The following UBE4B variants were observed in gnomAD, a reference collection of about 807,000 sequenced individuals.
The protein encoded by UBE4B is ubiquitination factor E4B, also known as ubiquitin conjugation factor E4 B.
UBE4B carries 27 observed loss-of-function variants against 148.1 expected under a neutral mutation model. The ratio of observed to expected loss-of-function variants is 0.18; its 90% CI spans 0.13 to 0.25. UBE4B has a LOEUF of 0.25. Among genes scored for constraint, UBE4B ranks in the 10% least tolerant of loss-of-function variants. UBE4B has a pLI of 1.00. For missense variants in UBE4B, 1,170 were observed against 1,662.4 expected (o/e 0.70, Z 5.15); for synonymous variants, 596 against 619.3 (o/e 0.96, Z 0.56).
chr1:10,137,896 A>T (rs1645716190), intron 17 of UBE4B, among the ~76,000 whole-genome samples: 1 of 133,418 alleles, frequency 7.5e-6, no homozygotes, highest in Non-Finnish European at 1.6e-5. Flanking sequence ...CTCTGTATCT[A>T]CCTTGCTTAA....
At chr1:10,042,331 C>T (rs1032088358) in intron 1 of UBE4B, among the ~76,000 whole-genome samples, 8 of 152,246 alleles carry the variant, frequency 5.3e-5, no homozygotes, top group Middle Eastern at 3.4e-3. Context: ...TATGGAGCTT[C>T]GTCCTAGTGG....
intron 1 of UBE4B, among the ~76,000 whole-genome samples, chr1:10,047,064 C>T (rs1438153502): frequency 6.6e-6 from 1 of 152,154 alleles, no homozygotes; most frequent in African/African-American, 2.4e-5. Flanking sequence ...TTATTGTGAT[C>T]TCTGAGGGTT....
At chr1:10,143,443 T>A (rs1184718842) in intron 17 of UBE4B, among the ~76,000 whole-genome samples, 1 of 152,128 alleles carries the variant, frequency 6.6e-6, no homozygotes, top group Non-Finnish European at 1.5e-5. Flanking sequence ...TCTCTGACCT[T>A]TGCTTCCATT....
At chr1:10,157,667 A>G (rs570451066) in intron 21 of UBE4B, among the ~76,000 whole-genome samples, 72 of 152,212 alleles carry the variant, frequency 4.7e-4, no homozygotes, top group South Asian at 1.0e-3. Flanking sequence ...AGTCCCAGCT[A>G]CTAGGGAGGC....
chr1:10,060,476 G>A (rs1417576637), intron 1 of UBE4B, among the ~76,000 whole-genome samples: 1 of 152,138 alleles, frequency 6.6e-6, no homozygotes, highest in Non-Finnish European at 1.5e-5. Flanking sequence ...ATCTGACATT[G>A]ACTGAAATGT....
intron 1 of UBE4B, among the ~76,000 whole-genome samples, chr1:10,046,715 A>G (rs1036727400): frequency 4.6e-5 from 7 of 152,098 alleles, no homozygotes; most frequent in African/African-American, 1.4e-4. Flanking sequence ...TCAGATCTGA[A>G]GTGGACATTG....
intron 2 of UBE4B, among the ~76,000 whole-genome samples, chr1:10,091,724 G>T (rs1321984492): frequency 6.6e-6 from 1 of 152,108 alleles, no homozygotes; most frequent in Admixed American, 6.6e-5. Context: ...TTCTGACTCA[G>T]CCTCCCTAGT....
At chr1:10,165,453 A>T (rs371537227) in intron 23 of UBE4B, among the ~76,000 whole-genome samples, 1 of 152,126 alleles carries the variant, frequency 6.6e-6, no homozygotes, top group East Asian at 1.9e-4. Flanking sequence ...CATATCAGGG[A>T]TGGTGTTAAA....
At chr1:10,166,891 C>G (rs1298763985) in intron 23 of UBE4B, among the ~76,000 whole-genome samples, 1 of 151,828 alleles carries the variant, frequency 6.6e-6, no homozygotes, top group African/African-American at 2.4e-5. Context: ...CGCCACTGCA[C>G]TCCAGCCTGG....
At chr1:10,149,113 A>C (rs1177693478) in intron 19 of UBE4B, 71 bp from the exon 20 acceptor site, 1 of 1,078,602 alleles carries the variant, frequency 9.3e-7, no homozygotes, top group African/African-American at 1.6e-5. Context: ...TCCGATGGTA[A>C]TGTAATACTC....
At chr1:10,055,490 A>T (rs1030780975) in intron 1 of UBE4B, among the ~76,000 whole-genome samples, 17 of 151,844 alleles carry the variant, frequency 1.1e-4, no homozygotes, top group African/African-American at 1.9e-4. Flanking sequence ...AATTTAAAAA[A>T]TTTTTTTTGT....
intron 22 of UBE4B, among the ~76,000 whole-genome samples, chr1:10,159,009 CAAA>C (rs368376272): frequency 8.7e-5 from 6 of 68,664 alleles, no homozygotes; most frequent in Admixed American, 1.7e-4. Flanking sequence ...GACTCCGTCT[CAAA>C]AAAAAAAAAA....
chr1:10,068,029 GTT>G (rs1204563688), intron 1 of UBE4B, among the ~76,000 whole-genome samples: 7 of 136,468 alleles, frequency 5.1e-5, no homozygotes, highest in East Asian at 2.1e-4. Context: ...TGCCTGGCCA[GTT>G]TTTTTTTTTT....
chr1:10,151,235 C>T (rs1235607931), intron 20 of UBE4B, 91 bp from the exon 21 acceptor site: 4 of 1,186,838 alleles, frequency 3.4e-6, no homozygotes, highest in Admixed American at 2.0e-5. Context: ...CTGCCTTCCC[C>T]TCCTCACTTA....
intron 17 of UBE4B, among the ~76,000 whole-genome samples, chr1:10,142,789 C>T (rs1645804251): frequency 6.6e-6 from 1 of 152,140 alleles, no homozygotes; most frequent in Admixed American, 6.6e-5. Context: ...CACCCCACCC[C>T]ACCTTACTGT....
At chr1:10,139,375 T>A (rs1645750357) in intron 17 of UBE4B, among the ~76,000 whole-genome samples, 1 of 151,226 alleles carries the variant, frequency 6.6e-6, no homozygotes, top group Non-Finnish European at 1.5e-5. Context: ...TGAGCAAGAG[T>A]GAGACTCTGT....
At position 10,180,035 on chromosome 1, in the gene UBE4B, C is replaced by T. The variant is rs1646484364; in HGVS notation, c.*79C>T. 1.9e-6 allele frequency: 3 copies of T among 1,592,770 alleles called. No homozygotes were observed. Among genetic ancestry groups the T allele is most frequent in the Non-Finnish European group, 2.6e-6 (3 of 1,165,888 alleles). On this transcript the variant is annotated 3_prime_UTR_variant, in exon 28 of 28. Transcript: ENST00000343090. ...AGAAGCAGCGGCCGCAGCGAAGCTGCCGTTCATGTGTTGGAGGCCAAATGT... is the reference window on the plus strand; with the variant it reads ...AGAAGCAGCGGCCGCAGCGAAGCTGTCGTTCATGTGTTGGAGGCCAAATGT...
chr1:10,074,887 T>G (rs1644551908), intron 2 of UBE4B, among the ~76,000 whole-genome samples: 1 of 152,192 alleles, frequency 6.6e-6, no homozygotes, highest in African/African-American at 2.4e-5. Flanking sequence ...AGCTTTTATC[T>G]CCAACGTGGA....
chr1:10,116,896 T>C (rs547691948), intron 7 of UBE4B, among the ~76,000 whole-genome samples: 4 of 152,228 alleles, frequency 2.6e-5, no homozygotes, highest in Admixed American at 6.5e-5. Flanking sequence ...TATACTACTT[T>C]ACCTTTTTCA....
Sources: allele counts gnomAD v4.1 joint callset (sites outside exome capture counted in the v4.1 genomes callset), GRCh38; gene constraint gnomAD v4.1.1; transcripts MANE v1.5; gene names NCBI Gene and HGNC (gene_info 2026-07-23, HGNC 2026-07-21).